RGS6: variants seen among roughly 807,000 people sequenced by gnomAD.
The protein encoded by RGS6 is regulator of G-protein signaling 6.
A neutral mutation model predicts 78.5 loss-of-function variants in RGS6; 30 were observed. That is an observed-to-expected ratio of 0.38 (90% CI 0.29 to 0.52). The LOEUF (loss-of-function observed/expected upper bound fraction) is 0.52, where lower values mean the gene tolerates loss of function less well. Among genes scored for constraint, RGS6 ranks in the 20% least tolerant of loss-of-function variants. The pLI, the probability that RGS6 is intolerant of heterozygous loss-of-function variation, is 0.85. For missense variants in RGS6, 495 were observed against 609.7 expected, an observed-to-expected ratio of 0.81 and a Z score of 1.98; for synonymous variants, 206 against 206.0, an observed-to-expected ratio of 1.00 and a Z score of 0.00.
chr14:72,223,370 G>A (rs1252575764), intron 2 of RGS6, among the ~76,000 whole-genome samples: 1 of 152,144 alleles, frequency 6.6e-6, no homozygotes, highest in Non-Finnish European at 1.5e-5. Context: ...TTCCTTAGTT[G>A]GGTCTTGATC....
chr14:72,611,295 T>A, the RGS6 span, among the ~76,000 whole-genome samples: 1 of 152,242 alleles, frequency 6.6e-6, no homozygotes, highest in Non-Finnish European at 1.5e-5. Flanking sequence ...ACAAACGGTT[T>A]ATTCCTAATG....
At chr14:72,234,092 T>C (rs1233843157) in intron 2 of RGS6, among the ~76,000 whole-genome samples, 3 of 152,038 alleles carry the variant, frequency 2.0e-5, no homozygotes, top group Non-Finnish European at 4.4e-5. Context: ...TTGTGTGGCT[T>C]ATATATTTTA....
At chr14:72,017,328 A>G (rs1295479002) in intron 2 of RGS6, among the ~76,000 whole-genome samples, 1 of 152,128 alleles carries the variant, frequency 6.6e-6, no homozygotes, top group East Asian at 1.9e-4. Context: ...ATTAATTTTC[A>G]TGGTTTAGAT....
intron 2 of RGS6, among the ~76,000 whole-genome samples, chr14:72,347,120 C>T (rs568784470): frequency 4.5e-4 from 68 of 152,182 alleles, no homozygotes; most frequent in Admixed American, 3.7e-3. Context: ...GGCACAGTGA[C>T]GCTTAAGTCC....
At chr14:72,535,414 G>C (rs143007079) in intron 15 of RGS6, among the ~76,000 whole-genome samples, 1 of 152,142 alleles carries the variant, frequency 6.6e-6, no homozygotes, top group African/African-American at 2.4e-5. Flanking sequence ...TTTGAGATAC[G>C]TATTGATTCT....
chr14:72,270,965 G>T (rs1490582562), intron 2 of RGS6, among the ~76,000 whole-genome samples: 1 of 152,168 alleles, frequency 6.6e-6, no homozygotes, highest in African/African-American at 2.4e-5. Context: ...CCTACTATAT[G>T]CCAAGCATTA....
intron 2 of RGS6, among the ~76,000 whole-genome samples, chr14:72,003,239 A>C (rs1229157927): frequency 6.6e-6 from 1 of 152,168 alleles, no homozygotes; most frequent in Non-Finnish European, 1.5e-5. Flanking sequence ...ATTCCTAAAA[A>C]CATCTTTATT....
intron 2 of RGS6, among the ~76,000 whole-genome samples, chr14:72,345,411 C>T (rs369379337): frequency 6.6e-5 from 10 of 152,254 alleles, no homozygotes; most frequent in South Asian, 4.1e-4. Context: ...TAGGCTTAGC[C>T]GAAAACAAAT....
intron 3 of RGS6, among the ~76,000 whole-genome samples, chr14:72,417,138 G>C (rs1296378516): frequency 6.6e-6 from 1 of 152,206 alleles, no homozygotes; most frequent in Non-Finnish European, 1.5e-5. Context: ...ACATGAAATT[G>C]TGCCGCCAGC....
chr14:71,944,420 G>A (rs1222635269), intron 1 of RGS6, among the ~76,000 whole-genome samples: 1 of 152,196 alleles, frequency 6.6e-6, no homozygotes. Flanking sequence ...CAAAGTCCTT[G>A]TGCTGTTTTA....
chr14:71,997,057 C>G (rs750603524), intron 2 of RGS6, among the ~76,000 whole-genome samples: 1 of 150,390 alleles, frequency 6.6e-6, no homozygotes, highest in Non-Finnish European at 1.5e-5. Flanking sequence ...AGAGGCCATT[C>G]GATGGCTATT....
chr14:72,488,532 G>T (rs1330533351), intron 12 of RGS6, among the ~76,000 whole-genome samples: 1 of 152,146 alleles, frequency 6.6e-6, no homozygotes, highest in Admixed American at 6.5e-5. Flanking sequence ...AAGAGATCTG[G>T]CTATGAGCCT....
At chr14:72,600,264 T>A in the RGS6 span, among the ~76,000 whole-genome samples, 1 of 152,058 alleles carries the variant, frequency 6.6e-6, no homozygotes, top group Non-Finnish European at 1.5e-5. Context: ...CACTGGCCTC[T>A]ACAAAACACA....
chr14:72,310,285 G>A (rs1019819265), intron 2 of RGS6, among the ~76,000 whole-genome samples: 10 of 152,210 alleles, frequency 6.6e-5, no homozygotes, highest in East Asian at 1.9e-4. Context: ...GGCGTCAGCC[G>A]CTGGTCTTGA....
chr14:71,920,514 G>A, the RGS6 span, among the ~76,000 whole-genome samples: 1 of 152,110 alleles, frequency 6.6e-6, no homozygotes, highest in African/African-American at 2.4e-5. Context: ...AGGAAATAAA[G>A]ACTTTGTCTG....
At chr14:72,140,818 G>GATGC (rs1863696295) in intron 2 of RGS6, among the ~76,000 whole-genome samples, 1 of 152,188 alleles carries the variant, frequency 6.6e-6, no homozygotes, top group African/African-American at 2.4e-5. Flanking sequence ...TGAATCTGAG[G>GATGC]ATGCGGGCAA....
intron 3 of RGS6, among the ~76,000 whole-genome samples, chr14:72,437,056 C>T (rs977160698): frequency 1.3e-5 from 2 of 149,830 alleles, no homozygotes; most frequent in African/African-American, 2.5e-5. Flanking sequence ...CATGGTGGCT[C>T]ATGCCTGTAA....
intron 15 of RGS6, among the ~76,000 whole-genome samples, chr14:72,528,167 AAAAG>A (rs1432451172): frequency 6.6e-6 from 1 of 152,182 alleles, no homozygotes; most frequent in African/African-American, 2.4e-5. Flanking sequence ...GTTTTGTCTA[AAAAG>A]AAAGGAGATT....
intron 8 of RGS6, among the ~76,000 whole-genome samples, chr14:72,471,463 G>A (rs1343191777): frequency 1.3e-5 from 2 of 152,240 alleles, no homozygotes; most frequent in Non-Finnish European, 2.9e-5. Context: ...TGGGAGAATG[G>A]GACTATGTTT....
Sources: gnomAD v4.1 joint callset for allele counts (sites outside exome capture counted in the v4.1 genomes callset) on GRCh38, gnomAD v4.1.1 for gene constraint, MANE v1.5 for transcripts, NCBI Gene and HGNC (gene_info 2026-07-23, HGNC 2026-07-21) for gene names.